The following ZNF557 variants were observed in gnomAD, a reference collection of about 807,000 sequenced individuals.
The protein encoded by ZNF557 is CTB-25J19.9.
In ZNF557, 19 loss-of-function variants were observed where a neutral mutation model predicts 21.2. The observed-to-expected ratio is 0.90, with a 90% confidence interval of 0.63 to 1.32. ZNF557 has a LOEUF of 1.32. ZNF557 is among the 40% of genes most tolerant of loss of function. The pLI, the probability that ZNF557 is intolerant of heterozygous loss-of-function variation, is 0.00. For synonymous variants in ZNF557, 207 were observed against 194.8 expected (o/e 1.06, Z -0.52); for missense variants, 487 against 519.8 (o/e 0.94, Z 0.61).
rs371311190 is a variant in ZNF557, at chr19:7,076,382, G to T, written c.122G>T (p.Gly41Val). 29 of 1,614,060 alleles carry T rather than the reference G, an allele frequency of 1.8e-5. No individual in the cohort carries two copies. In the South Asian group the frequency reaches 2.6e-4, roughly 15 times the overall value. Residue 41 changes from glycine to valine, a missense_variant and splice_region_variant, in exon 5 of 8, where the codon GGC becomes GTC. Gly to Val is a moderately radical substitution (Grantham distance 109, BLOSUM62 -3). Coordinates refer to ENST00000252840, the MANE Select transcript of ZNF557 (RefSeq NM_024341.3). ...VNELLKSWLK[G>V]LVTFEDVAVE... ...GCCGTGATGTTTGCAATGCTTTAGG[G>T]CTTGGTGACCTTTGAGGATGTGGCC... is the stretch of plus-strand genomic sequence containing the variant.
intron 2 of ZNF557, among the ~76,000 whole-genome samples, chr19:7,072,613 C>T (rs1392818243): frequency 6.6e-6 from 1 of 152,184 alleles, no homozygotes; most frequent in Non-Finnish European, 1.5e-5. Flanking sequence ...GCTTCCTAAG[C>T]AGCTTGCTTT....
rs769310019 is a variant in ZNF557 at position 7,083,023 on chromosome 19, G to C, written c.572G>C (p.Ser191Thr). 1 of 1,613,978 alleles carries C rather than the reference G, an allele frequency of 6.2e-7. No individual in the cohort carries two copies. The highest frequency in any genetic ancestry group is 1.3e-5 in the African/African-American group (1 of 74,890). ...GCSECGKSYS[S>T]RSYLAVHKRI... ...AGTGAATGTGGGAAATCCTACAGCAGTAGATCTTACCTTGCTGTTCATAAG... is the reference window on the plus strand; with the variant it reads ...AGTGAATGTGGGAAATCCTACAGCACTAGATCTTACCTTGCTGTTCATAAG... The change falls in exon 8 of 8, where the codon AGT becomes ACT. Residue 191 changes from serine (S) to threonine (T), a missense_variant. Physicochemically the swap from Ser to Thr is moderately conservative, Grantham distance 58. Coordinates refer to ENST00000252840, the MANE Select transcript of ZNF557 (RefSeq NM_024341.3).
intron 7 of ZNF557, 111 bp downstream of exon 7, chr19:7,082,163 C>A: frequency 1.3e-6 from 1 of 797,350 alleles, no homozygotes; most frequent in Non-Finnish European, 2.0e-6. Context: ...TGCCTTTAAT[C>A]CCAGCACCTT....
At chr19:7,078,802 A>G (rs1025849985) in intron 5 of ZNF557, among the ~76,000 whole-genome samples, 7 of 151,950 alleles carry the variant, frequency 4.6e-5, no homozygotes, top group Admixed American at 1.3e-4. Context: ...ATGTGTATTC[A>G]GATGTTTGAT....
intron 2 of ZNF557, among the ~76,000 whole-genome samples, chr19:7,071,316 C>T (rs1037226944): frequency 5.9e-5 from 9 of 151,946 alleles, no homozygotes; most frequent in South Asian, 2.1e-4. Context: ...CTGGTCCATG[C>T]GGTTGTTTTA....
intron 7 of ZNF557, among the ~76,000 whole-genome samples, chr19:7,082,440 A>AAAAAAG (rs1977731730): frequency 2.7e-5 from 4 of 150,802 alleles, no homozygotes; most frequent in Admixed American, 6.6e-5. Context: ...AAAAAAAAAA[A>AAAAAAG]GTGGCTTTAT....
chr19:7,083,174 T>C lies in ZNF557; in HGVS notation c.723T>C (p.Cys241=), dbSNP rs761658464. ...AGAAACCCTACGAATGCAGTGACTG[T>C]GGGAAAACCTTCAGCAATTCCTCAT... The part of the protein sequence containing the change: ...NGEKPYECSD[C]GKTFSNSSYL... The change falls in exon 8 of 8, where the codon TGT becomes TGC. Residue 241 remains cysteine (C), a synonymous_variant. Transcript: ENST00000252840. The C allele has an allele frequency of 6.2e-7, 1 of 1,614,234 alleles. No homozygotes were observed. The highest frequency in any genetic ancestry group is 2.2e-5 in the East Asian group (1 of 44,886).
intron 1 of ZNF557, 132 bp from the exon 2 acceptor site, chr19:7,070,430 A>G (rs1475122603): frequency 6.6e-6 from 1 of 152,036 alleles, no homozygotes; most frequent in Non-Finnish European, 1.5e-5. Flanking sequence ...CTTTAAATCA[A>G]TTTTTTTTAA....
intron 5 of ZNF557, among the ~76,000 whole-genome samples, chr19:7,079,388 C>T (rs1352189835): frequency 2.7e-5 from 4 of 150,508 alleles, no homozygotes; most frequent in South Asian, 2.1e-4. Flanking sequence ...ACTACAGGCG[C>T]CCACCACCAC....
At position 7,087,514 on chromosome 19, in the gene ZNF557, G is replaced by T. The variant is rs1977887446; in HGVS notation, c.*3770G>T. On this transcript the variant is annotated 3_prime_UTR_variant, in exon 8 of 8. Coordinates refer to ENST00000252840, the MANE Select transcript of ZNF557 (RefSeq NM_024341.3). ...GTTGACCCACTGCACTCCAGCCTGGGCAACAAGAGCAAAACTCCATCTCAA... is the reference window on the plus strand; with the variant it reads ...GTTGACCCACTGCACTCCAGCCTGGTCAACAAGAGCAAAACTCCATCTCAA... 6.9e-6 allele frequency: 1 copy of T among 144,570 alleles called. No individual in the cohort carries two copies. Among genetic ancestry groups the T allele is most frequent in the Admixed American group, 7.1e-5 (1 of 14,050 alleles). The allele number at this position is 144,570 out of a possible 1,614,324, so 9.0% of individuals were successfully genotyped here.
At chr19:7,078,458 T>G (rs1447168317) in intron 5 of ZNF557, among the ~76,000 whole-genome samples, 1 of 149,650 alleles carries the variant, frequency 6.7e-6, no homozygotes, top group Non-Finnish European at 1.5e-5. Context: ...TTTCCCGGAG[T>G]CTCACTCTGT....
At chr19:7,075,234 C>T (rs1397724409) in intron 3 of ZNF557, 129 bp downstream of exon 3, 9 of 1,300,034 alleles carry the variant, frequency 6.9e-6, no homozygotes, top group South Asian at 2.4e-5. Flanking sequence ...AGAGGTCCTC[C>T]GTGTCTGATC....
chr19:7,082,199 AGGT>A lies in ZNF557; in HGVS notation c.426+148_426+150del, dbSNP rs1186739155. 3.5e-4 allele frequency: 3 copies of A among 8,608 alleles called. No homozygotes were observed. In the Admixed American group the frequency reaches 0.012, roughly 33 times the overall value. 0.5% of individuals were successfully genotyped at this position (8,608 alleles called of 1,614,324 possible). A position where few individuals can be genotyped will look rare whatever the true frequency, so the allele number is the denominator to read the frequency against. On this transcript the variant is annotated intron_variant, in intron 7 of 7. Transcript: ENST00000252840. ...GGGAAGCTGAGGCAGTTGGATCATG[AGGT>A]CAGGTCAGGAGTTGGAGACCAGCCT... is the stretch of plus-strand genomic sequence containing the variant.
chr19:7,073,539 T>C (rs979394251), intron 2 of ZNF557, among the ~76,000 whole-genome samples: 9 of 152,104 alleles, frequency 5.9e-5, no homozygotes, highest in African/African-American at 2.2e-4. Context: ...TTTTCACATG[T>C]ATATGTGAAT....
At chr19:7,075,545 C>T in intron 3 of ZNF557, 110 bp from the exon 4 acceptor site, 1 of 1,027,298 alleles carries the variant, frequency 9.7e-7, no homozygotes, top group Non-Finnish European at 1.5e-6. Flanking sequence ...TTGTGGGTGA[C>T]TGTGTATGCA....
rs557087146 is a variant in ZNF557, at chr19:7,074,057, A to G, written c.-79-939A>G. Among the ~76,000 whole-genome samples, 173 of 146,232 alleles carry G rather than the reference A, an allele frequency of 1.2e-3. 2 individuals carry two copies. Among genetic ancestry groups the G allele is most frequent in the African/African-American group, 3.8e-3 (148 of 39,064 alleles). ...GCTCTGTTGCCCAGGCTGGAGTGCA[A>G]TGGTGCAATCCCGGCTCACTACAAG... is the stretch of plus-strand genomic sequence containing the variant. On this transcript the variant is annotated intron_variant, in intron 2 of 7. Coordinates refer to ENST00000252840, the MANE Select transcript of ZNF557 (RefSeq NM_024341.3).
chr19:7,070,810 G>C (rs1259809250), intron 2 of ZNF557, among the ~76,000 whole-genome samples, 157 bp downstream of exon 2: 1 of 149,566 alleles, frequency 6.7e-6, no homozygotes, highest in Non-Finnish European at 1.5e-5. Context: ...CCGTTGCCCA[G>C]CCTGGAGTGC....
Position 7,085,809 on chromosome 19 carries a change from G to A in ZNF557, c.*2065G>A, listed in dbSNP as rs945934564. ...TAATATAAACATTTATGGCTATAGT[G>A]GTCCTGAAAATCTTACTACCTCGTT... On this transcript the variant is annotated 3_prime_UTR_variant, in exon 8 of 8. Coordinates refer to ENST00000252840, the MANE Select transcript of ZNF557 (RefSeq NM_024341.3). The A allele has an allele frequency of 1.3e-5, 2 of 152,048 alleles. No homozygotes were observed. Among genetic ancestry groups the A allele is most frequent in the African/African-American group, 4.8e-5 (2 of 41,388 alleles). The allele number at this position is 152,048 out of a possible 1,614,324, so 9.4% of individuals were successfully genotyped here. A position where few individuals can be genotyped will look rare whatever the true frequency, so the allele number is the denominator to read the frequency against.
chr19:7,083,932 C>G lies in ZNF557; in HGVS notation c.*188C>G. 1.6e-6 allele frequency: 1 copy of G among 608,492 alleles called. No individual in the cohort carries two copies. The highest frequency in any genetic ancestry group is 2.0e-5 in the South Asian group (1 of 49,018). The allele number at this position is 608,492 out of a possible 1,614,324, so 37.7% of individuals were successfully genotyped here. On this transcript the variant is annotated 3_prime_UTR_variant, in exon 8 of 8. Coordinates refer to ENST00000252840, the MANE Select transcript of ZNF557 (RefSeq NM_024341.3). ...TCAGGAATTCAGAAACAACATAGCT[C>G]TATAGTTCTTCAGGATATCTCAAGA... is the stretch of plus-strand genomic sequence containing the variant.
Sources: allele counts gnomAD v4.1 joint callset (sites outside exome capture counted in the v4.1 genomes callset), GRCh38; gene constraint gnomAD v4.1.1; transcripts MANE v1.5; gene names NCBI Gene and HGNC (gene_info 2026-07-23, HGNC 2026-07-21).